Variants in MCC observed in about 807,000 individuals in gnomAD.
MCC encodes the protein MCC regulator of Wnt signaling pathway.
A neutral mutation model predicts 116.2 loss-of-function variants in MCC; 90 were observed. The observed-to-expected ratio is 0.77, with a 90% CI of 0.65 to 0.92. The LOEUF (loss-of-function observed/expected upper bound fraction) is 0.92, where lower values mean the gene tolerates loss of function less well. MCC is among the 40% of genes least tolerant of loss of function. The pLI is 0.00. For synonymous variants in MCC, 578 were observed against 510.5 expected, an observed-to-expected ratio of 1.13 and a Z score of -1.78; for missense variants, 1,516 against 1,312.2, an observed-to-expected ratio of 1.16 and a Z score of -2.40.
intron 4 of MCC, among the ~76,000 whole-genome samples, chr5:113,145,173 C>T (rs1295331373): frequency 6.6e-6 from 1 of 152,228 alleles, no homozygotes; most frequent in African/African-American, 2.4e-5. Context: ...TCTACAAACT[C>T]TTGCTGTTAG....
At chr5:113,102,728 C>T (rs924415186) in intron 7 of MCC, among the ~76,000 whole-genome samples, 5 of 152,232 alleles carry the variant, frequency 3.3e-5, no homozygotes, top group Non-Finnish European at 7.3e-5. Context: ...TTCACATTTA[C>T]TGTCCTTTGA....
At chr5:113,376,316 T>C (rs1269756928) in intron 2 of MCC, among the ~76,000 whole-genome samples, 1 of 152,226 alleles carries the variant, frequency 6.6e-6, no homozygotes, top group Non-Finnish European at 1.5e-5. Flanking sequence ...ATTTGTTTAT[T>C]GGCCAAATAC....
At chr5:113,237,609 G>A (rs4705549) in intron 3 of MCC, among the ~76,000 whole-genome samples, 14,854 of 152,208 alleles carry the variant, frequency 0.098, 1,204 homozygotes, top group Admixed American at 0.25. Flanking sequence ...GAGGAAACAC[G>A]GGCCAGGGGA....
At chr5:113,052,809 A>T (rs1378269327) in intron 15 of MCC, among the ~76,000 whole-genome samples, 1 of 152,156 alleles carries the variant, frequency 6.6e-6, no homozygotes, top group Admixed American at 6.6e-5. Context: ...GGTGGCTGAA[A>T]GTCCCAATCC....
chr5:113,239,404 C>T (rs1275367290), intron 3 of MCC, among the ~76,000 whole-genome samples: 1 of 152,098 alleles, frequency 6.6e-6, no homozygotes, highest in Non-Finnish European at 1.5e-5. Flanking sequence ...CTCCCTTTCT[C>T]CAGGGGGTCC....
At position 113,101,817 on chromosome 5, in the gene MCC, G is replaced by A. The variant is rs2150255000; in HGVS notation, c.1320C>T (p.Cys440=). ...EENESLTAML[C]SKEEELNRTK... ...TCCGGTTCAGTTCTTCCTCTTTGCT[G>A]CACAGCATGGCAGTCAGGCTCTCAT... Residue 440 remains cysteine (C), a synonymous_variant, in exon 8 of 19, where the codon TGC becomes TGT. Transcript: ENST00000408903. The A allele has an allele frequency of 6.2e-7, 1 of 1,613,380 alleles. No homozygotes were observed. Among genetic ancestry groups the A allele is most frequent in the South Asian group, 1.1e-5 (1 of 91,074 alleles).
At chr5:113,100,887 G>C (rs1321899109) in intron 8 of MCC, among the ~76,000 whole-genome samples, 4 of 152,144 alleles carry the variant, frequency 2.6e-5, no homozygotes, top group African/African-American at 9.7e-5. Context: ...AGTAAGTCTA[G>C]TAATTCAAAG....
At chr5:113,073,184 T>C (rs970125875) in intron 11 of MCC, among the ~76,000 whole-genome samples, 2 of 152,158 alleles carry the variant, frequency 1.3e-5, no homozygotes, top group Non-Finnish European at 2.9e-5. Context: ...AGCCAAAAGA[T>C]TGGACACCCC....
intron 3 of MCC, among the ~76,000 whole-genome samples, chr5:113,287,473 C>T (rs919874060): frequency 2.6e-5 from 4 of 152,058 alleles, no homozygotes; most frequent in African/African-American, 9.7e-5. Flanking sequence ...ATTACAAGTG[C>T]CCGCCACCAT....
intron 3 of MCC, among the ~76,000 whole-genome samples, chr5:113,235,361 T>C (rs763165822): frequency 6.6e-5 from 10 of 152,202 alleles, no homozygotes; most frequent in African/African-American, 9.6e-5. Flanking sequence ...ATACATTCCA[T>C]ATTACTTCCC....
At chr5:113,452,978 T>A (rs1039356855) in intron 1 of MCC, among the ~76,000 whole-genome samples, 1 of 152,188 alleles carries the variant, frequency 6.6e-6, no homozygotes, top group African/African-American at 2.4e-5. Context: ...ATGTTCTCAA[T>A]AAGAACTTTA....
At chr5:113,051,131 G>A (rs1752457608) in intron 15 of MCC, among the ~76,000 whole-genome samples, 1 of 152,128 alleles carries the variant, frequency 6.6e-6, no homozygotes, top group Non-Finnish European at 1.5e-5. Flanking sequence ...CTCAGAAACT[G>A]ATGAGTCCCA....
At chr5:113,133,483 A>G (rs1177751238) in intron 5 of MCC, among the ~76,000 whole-genome samples, 2 of 146,938 alleles carry the variant, frequency 1.4e-5, no homozygotes, top group Admixed American at 1.4e-4. Flanking sequence ...TTTTTTTTTT[A>G]TAGCTGATAA....
chr5:113,179,398 T>C (rs1198602174), intron 3 of MCC, among the ~76,000 whole-genome samples: 1 of 152,220 alleles, frequency 6.6e-6, no homozygotes, highest in Admixed American at 6.5e-5. Flanking sequence ...CACTGGCTGT[T>C]AGTAACAGGA....
intron 3 of MCC, among the ~76,000 whole-genome samples, chr5:113,155,894 G>A (rs1369048025): frequency 6.6e-6 from 1 of 152,156 alleles, no homozygotes; most frequent in Non-Finnish European, 1.5e-5. Context: ...TGTAGTTTGC[G>A]CTAGGTATAG....
intron 6 of MCC, among the ~76,000 whole-genome samples, chr5:113,121,155 T>C (rs1171099053): frequency 6.6e-6 from 1 of 152,222 alleles, no homozygotes; most frequent in East Asian, 1.9e-4. Context: ...ACCACCCTAA[T>C]CTGAGCAACA....
Position 113,043,612 on chromosome 5 carries a change from A to G in MCC, c.2674T>C (p.Ser892Pro), listed in dbSNP as rs773535423. 5 of 1,613,746 alleles carry G rather than the reference A, an allele frequency of 3.1e-6. No individual in the cohort carries two copies. In the East Asian group the frequency reaches 6.7e-5, roughly 22 times the overall value. Residue 892 changes from serine to proline, a missense_variant, in exon 17 of 19, where the codon TCC becomes CCC. Coordinates refer to ENST00000408903, the MANE Select transcript of MCC (RefSeq NM_001085377.2). ...AGTTCGGCTAGGGACAGAGCTGGGG[A>G]GGCAGCATCAGCACACTCCTGACAA... Reference protein sequence around the residue: ...KPGKECADAASPALSLAELRT... With the variant: ...KPGKECADAAPPALSLAELRT...
chr5:113,381,556 G>C (rs141366469), intron 2 of MCC, among the ~76,000 whole-genome samples: 1 of 152,254 alleles, frequency 6.6e-6, no homozygotes, highest in African/African-American at 2.4e-5. Flanking sequence ...GGGAGGCTGA[G>C]GCAGGAAGAT....
chr5:113,105,134 T>C (rs1756655004), intron 6 of MCC, among the ~76,000 whole-genome samples: 1 of 152,244 alleles, frequency 6.6e-6, no homozygotes, highest in African/African-American at 2.4e-5. Flanking sequence ...ACCTGCTGTT[T>C]TGGATTCTGT....
Sources: allele counts gnomAD v4.1 joint callset (sites outside exome capture counted in the v4.1 genomes callset), GRCh38; gene constraint gnomAD v4.1.1; transcripts MANE v1.5; gene names NCBI Gene and HGNC (gene_info 2026-07-23, HGNC 2026-07-21).